Variants in PPP3CA observed in about 807,000 individuals in gnomAD.
PPP3CA encodes protein phosphatase 3 catalytic subunit alpha, also known as CAM-PRP catalytic subunit.
PPP3CA carries 14 observed loss-of-function variants against 66.5 expected under a neutral mutation model. The ratio of observed to expected loss-of-function variants is 0.21; its 90% CI spans 0.14 to 0.33. PPP3CA has a LOEUF of 0.33. Ranked by LOEUF, PPP3CA falls within the 10% of genes least tolerant of loss-of-function variation. PPP3CA has a pLI of 1.00. For missense variants in PPP3CA, 317 were observed against 639.5 expected (o/e 0.50, Z 5.44); for synonymous variants, 232 against 226.2 (o/e 1.03, Z -0.23).
At chr4:101,101,671 T>C (rs1249823763) in intron 3 of PPP3CA, among the ~76,000 whole-genome samples, 1 of 152,122 alleles carries the variant, frequency 6.6e-6, no homozygotes, top group East Asian at 1.9e-4. Context: ...ATATATCCAG[T>C]GAAACGTCCA....
At chr4:101,147,453 A>G (rs1435067329) in intron 2 of PPP3CA, among the ~76,000 whole-genome samples, 1 of 152,170 alleles carries the variant, frequency 6.6e-6, no homozygotes, top group South Asian at 2.1e-4. Context: ...TTATCTGAGA[A>G]TATCAAAGGG....
chr4:101,217,571 T>G (rs899716828), intron 1 of PPP3CA, among the ~76,000 whole-genome samples: 7 of 152,090 alleles, frequency 4.6e-5, no homozygotes, highest in Non-Finnish European at 8.8e-5. Context: ...TACATAGGTG[T>G]GGGCATTTCA....
intron 1 of PPP3CA, among the ~76,000 whole-genome samples, chr4:101,340,072 C>G (rs1209503983): frequency 6.6e-6 from 1 of 152,124 alleles, no homozygotes; most frequent in African/African-American, 2.4e-5. Flanking sequence ...CATCATTCTT[C>G]CGGTTTCACA....
chr4:101,281,290 G>A (rs536764172), intron 1 of PPP3CA, among the ~76,000 whole-genome samples: 1 of 152,326 alleles, frequency 6.6e-6, no homozygotes, highest in Admixed American at 6.5e-5. Flanking sequence ...GAGAAATGCA[G>A]CAGTAGCTGG....
At chr4:101,071,957 A>G (rs1474975197) in intron 8 of PPP3CA, among the ~76,000 whole-genome samples, 1 of 152,204 alleles carries the variant, frequency 6.6e-6, no homozygotes, top group Non-Finnish European at 1.5e-5. Flanking sequence ...TTAAATTTTA[A>G]TGGGATAGTT....
At chr4:101,097,810 T>C (rs1410692640) in intron 5 of PPP3CA, among the ~76,000 whole-genome samples, 1 of 152,218 alleles carries the variant, frequency 6.6e-6, no homozygotes, top group African/African-American at 2.4e-5. Context: ...TAATAGCCAA[T>C]GCTAAACTGG....
At position 101,106,450 on chromosome 4, in the gene PPP3CA, A is replaced by AAAGAAGG. The variant is rs751759518; in HGVS notation, c.384+2503_384+2504insCCTTCTT. ...GAAAGAAAGAAAGAAAGAAAGAAAG[A>AAAGAAGG]AAGAGAAAAGAAAAGAAAAGAAAAG... On this transcript the variant is annotated intron_variant, in intron 3 of 13. Coordinates refer to ENST00000394854, the MANE Select transcript of PPP3CA (RefSeq NM_000944.5). Among the ~76,000 whole-genome samples, 4 of 11,094 alleles carry AAAGAAGG rather than the reference A, an allele frequency of 3.6e-4. 2 individuals are homozygous for AAAGAAGG. Among genetic ancestry groups the AAAGAAGG allele is most frequent in the Admixed American group, 2.3e-3 (2 of 886 alleles). The allele number at this position is 11,094 out of a possible 152,430, so 7.3% of individuals were successfully genotyped here. A position where few individuals can be genotyped will look rare whatever the true frequency, so the allele number is the denominator to read the frequency against.
intron 11 of PPP3CA, among the ~76,000 whole-genome samples, chr4:101,033,724 A>C (rs1442865012): frequency 6.6e-6 from 1 of 152,190 alleles, no homozygotes; most frequent in African/African-American, 2.4e-5. Context: ...CATCACCATA[A>C]TCAATTTTAG....
intron 6 of PPP3CA, 105 bp downstream of exon 6, chr4:101,093,666 TTTATA>T (rs1274041538): frequency 1.7e-6 from 2 of 1,159,324 alleles, no homozygotes; most frequent in Admixed American, 2.8e-5. Context: ...GAGCCTTTCA[TTTATA>T]TTAAAGAAGT....
rs189123049 is a variant in PPP3CA, at chr4:101,041,073, C to T, written c.1157-507G>A. ...TCCCTATCTGCCTTGCAACATCATT[C>T]ATAATTATTTGATGATGATTGTTTG... is the stretch of plus-strand genomic sequence containing the variant. On this transcript the variant is annotated intron_variant, in intron 10 of 13. Transcript: ENST00000394854. Among the ~76,000 whole-genome samples the T allele has an allele frequency of 1.2e-3, 183 of 152,254 alleles. 1 individual carries two copies. The highest frequency in any genetic ancestry group is 4.2e-3 in the African/African-American group (176 of 41,548).
chr4:101,244,219 T>C (rs1053371700), intron 1 of PPP3CA, among the ~76,000 whole-genome samples: 2 of 152,142 alleles, frequency 1.3e-5, no homozygotes, highest in Non-Finnish European at 2.9e-5. Context: ...ATGCCTTCTA[T>C]AGAAAAGTCA....
intron 13 of PPP3CA, among the ~76,000 whole-genome samples, chr4:101,026,499 TTCAGTGGAA>T (rs905721255): frequency 3.9e-5 from 6 of 152,216 alleles, no homozygotes; most frequent in South Asian, 4.1e-4. Flanking sequence ...TAATGGCAAA[TTCAGTGGAA>T]TCAGTATGTT....
At chr4:101,235,771 A>T (rs1726108728) in intron 1 of PPP3CA, among the ~76,000 whole-genome samples, 1 of 151,886 alleles carries the variant, frequency 6.6e-6, no homozygotes, top group Non-Finnish European at 1.5e-5. Flanking sequence ...TCCCTCACTG[A>T]TGTTATAGAG....
At chr4:101,131,029 A>C (rs1722412493) in intron 2 of PPP3CA, among the ~76,000 whole-genome samples, 1 of 151,950 alleles carries the variant, frequency 6.6e-6, no homozygotes, top group Non-Finnish European at 1.5e-5. Context: ...GGAGTTTGAA[A>C]CTAGCCTGGC....
At chr4:101,122,462 G>A (rs1722061788) in intron 2 of PPP3CA, among the ~76,000 whole-genome samples, 2 of 152,312 alleles carry the variant, frequency 1.3e-5, no homozygotes, top group Admixed American at 1.3e-4. Context: ...ACACAGGGTA[G>A]ATTCTGCTGC....
intron 8 of PPP3CA, among the ~76,000 whole-genome samples, chr4:101,065,498 A>C (rs1209744379): frequency 6.6e-6 from 1 of 152,104 alleles, no homozygotes; most frequent in Non-Finnish European, 1.5e-5. Context: ...CAGGCTTTAT[A>C]TAATAATCCG....
chr4:101,308,116 C>T (rs1728604147), intron 1 of PPP3CA, among the ~76,000 whole-genome samples: 1 of 152,186 alleles, frequency 6.6e-6, no homozygotes, highest in African/African-American at 2.4e-5. Context: ...CTCATGTCCA[C>T]ATATGACAAG....
chr4:101,315,515 T>C (rs1382812755), intron 1 of PPP3CA, among the ~76,000 whole-genome samples: 3 of 152,188 alleles, frequency 2.0e-5, no homozygotes, highest in Admixed American at 2.0e-4. Context: ...CATTGACATG[T>C]GGGAATCAGA....
chr4:101,068,845 T>C (rs1198414811), intron 8 of PPP3CA, among the ~76,000 whole-genome samples: 1 of 152,204 alleles, frequency 6.6e-6, no homozygotes, highest in African/African-American at 2.4e-5. Context: ...TAACTTTTAC[T>C]CTTTAGATCA....
Sources: allele counts gnomAD v4.1 joint callset (sites outside exome capture counted in the v4.1 genomes callset), GRCh38; gene constraint gnomAD v4.1.1; transcripts MANE v1.5; gene names NCBI Gene and HGNC (gene_info 2026-07-23, HGNC 2026-07-21).